Variants in DNAH3 observed in about 807,000 individuals in gnomAD.
DNAH3 encodes dynein axonemal heavy chain 3, also known as axonemal beta dynein heavy chain 3.
In DNAH3, 332 loss-of-function variants were observed where a neutral mutation model predicts 432.5. That is an observed-to-expected ratio of 0.77 (90% CI 0.70 to 0.84). The LOEUF is 0.84. DNAH3 is among the 40% of genes least tolerant of loss of function. The pLI, the probability that DNAH3 is intolerant of heterozygous loss-of-function variation, is 0.00. For synonymous variants in DNAH3, 1,956 were observed against 1,900.2 expected (o/e 1.03, Z -0.76); for missense variants, 4,861 against 5,114.0 (o/e 0.95, Z 1.51).
At chr16:20,975,445 G>A (rs755461763) in intron 50 of DNAH3, 30 bp from the exon 51 acceptor site, 1 of 1,598,678 alleles carries the variant, frequency 6.3e-7, no homozygotes, top group Admixed American at 1.8e-5. Flanking sequence ...GAGAAATCCA[G>A]GGTCAGCACT....
intron 25 of DNAH3, 70 bp downstream of exon 25, chr16:21,062,412 G>C (rs762831054): frequency 7.5e-7 from 1 of 1,332,588 alleles, no homozygotes. Context: ...TAGTCCCAGT[G>C]CTTAGCCAAT....
chr16:21,035,245 T>A (rs750973088), intron 35 of DNAH3, among the ~76,000 whole-genome samples: 1 of 152,198 alleles, frequency 6.6e-6, no homozygotes, highest in Non-Finnish European at 1.5e-5. Flanking sequence ...CAGAATCGCT[T>A]GAGCCTGGGA....
intron 53 of DNAH3, among the ~76,000 whole-genome samples, chr16:20,960,424 G>A (rs1308027794): frequency 6.6e-6 from 1 of 152,146 alleles, no homozygotes; most frequent in Non-Finnish European, 1.5e-5. Flanking sequence ...GGTGGCTCAC[G>A]CCTGCAATCC....
At chr16:20,965,855 G>A (rs751505421) in intron 52 of DNAH3, among the ~76,000 whole-genome samples, 5 of 151,650 alleles carry the variant, frequency 3.3e-5, no homozygotes, top group Non-Finnish European at 7.4e-5. Context: ...TGGGACTACA[G>A]GCATGTGCCA....
At chr16:21,056,343 C>T (rs2152747583) in intron 27 of DNAH3, among the ~76,000 whole-genome samples, 1 of 152,070 alleles carries the variant, frequency 6.6e-6, no homozygotes, top group African/African-American at 2.4e-5. Context: ...ACTTCCCTCC[C>T]CTCACTCTCT....
chr16:21,062,842 G>A (rs1364946523), intron 24 of DNAH3, 159 bp from the exon 25 acceptor site: 17 of 619,878 alleles, frequency 2.7e-5, no homozygotes, highest in East Asian at 1.7e-4. Context: ...TTCATCTGGG[G>A]CATGGAAGGT....
chr16:21,065,706 G>T (rs923920934), intron 24 of DNAH3, among the ~76,000 whole-genome samples: 2 of 152,158 alleles, frequency 1.3e-5, no homozygotes, highest in Admixed American at 1.3e-4. Flanking sequence ...AGTGCTCAGT[G>T]GCCACTGGCA....
chr16:21,036,930 T>A, intron 34 of DNAH3, 82 bp from the exon 35 acceptor site: 1 of 1,128,394 alleles, frequency 8.9e-7, no homozygotes, highest in Non-Finnish European at 1.3e-6. Flanking sequence ...ATGAGATGTA[T>A]CAACAACAGA....
intron 23 of DNAH3, among the ~76,000 whole-genome samples, chr16:21,067,800 A>AGAGAGAGAGAGAGAGAGAGAGAGAGG (rs1567732859): frequency 1.5e-5 from 2 of 133,966 alleles, no homozygotes; most frequent in East Asian, 2.5e-4. Context: ...AGAGAGAGAG[A>AGAGAGAGAGAGAGAGAGAGAGAGAGG]GACTGACTAA....
At chr16:21,091,101 C>T (rs1029522336) in intron 18 of DNAH3, among the ~76,000 whole-genome samples, 5 of 151,710 alleles carry the variant, frequency 3.3e-5, no homozygotes, top group Non-Finnish European at 4.4e-5. Flanking sequence ...TGCAGTGAGC[C>T]GAGGTTACGT....
At chr16:21,048,232 T>C (rs1037234478) in intron 31 of DNAH3, among the ~76,000 whole-genome samples, 3 of 152,246 alleles carry the variant, frequency 2.0e-5, no homozygotes, top group Non-Finnish European at 4.4e-5. Context: ...CTGCTTTGTT[T>C]ACCTAATCAA....
At position 21,111,570 on chromosome 16, in the gene DNAH3, T is replaced by C. The variant is rs578095590; in HGVS notation, c.2099+56A>G. The C allele has an allele frequency of 7.1e-6, 11 of 1,546,280 alleles. No homozygotes were observed. The East Asian group carries it at 1.4e-4, about 19-fold the overall frequency. ...GAAGGTGCAAGTTCTGGTCACTTTT[T>C]CGTCTCCAGTTGGTGCCAAATACCA... On this transcript the variant is annotated intron_variant, in intron 14 of 61. Coordinates refer to ENST00000261383, the Ensembl canonical transcript of DNAH3.
At chr16:21,037,916 A>G (rs771566449) in exon 34 of DNAH3, 3 of 1,614,062 alleles carry the variant, frequency 1.9e-6, no homozygotes, top group Non-Finnish European at 1.7e-6. Context: ...CCGTAGTCAT[A>G]GTGATGCTGA....
chr16:21,125,341 G>C, exon 9 of DNAH3: 1 of 1,609,606 alleles, frequency 6.2e-7, no homozygotes, highest in Non-Finnish European at 8.5e-7. Context: ...CTTCCGTGAG[G>C]TAAAAAGCTG....
chr16:20,959,471 A>C, intron 53 of DNAH3, 67 bp from the exon 54 acceptor site: 1 of 1,486,770 alleles, frequency 6.7e-7, no homozygotes, highest in Non-Finnish European at 9.3e-7. Flanking sequence ...GAACAGCTAT[A>C]TCAACAATAA....
chr16:21,002,444 G>GTTATTATTATTATTA lies in DNAH3; in HGVS notation c.6126+645_6126+659dup, dbSNP rs67362610. The stretch of plus-strand genomic sequence containing the variant: ...AGCACACTGATGACTATCTGGTGTT[G>GTTATTATTATTATTA]TTATTATTATTATTATTATTATTAT... On this transcript the variant is annotated intron_variant, in intron 42 of 61. Coordinates refer to ENST00000261383, the Ensembl canonical transcript of DNAH3. 1.8e-3 allele frequency among the ~76,000 whole-genome samples: 266 copies of GTTATTATTATTATTA among 146,894 alleles called. 1 individual carries two copies. Among genetic ancestry groups the GTTATTATTATTATTA allele is most frequent in the African/African-American group, 2.8e-3 (111 of 39,940 alleles).
chr16:20,971,460 C>T lies in DNAH3; in HGVS notation c.8260-1470G>A, dbSNP rs144259354. Among the ~76,000 whole-genome samples the T allele has an allele frequency of 6.2e-3, 944 of 152,212 alleles. 11 individuals are homozygous for T. Among genetic ancestry groups the T allele is most frequent in the African/African-American group, 0.022 (899 of 41,528 alleles). On this transcript the variant is annotated intron_variant, in intron 51 of 61. Transcript: ENST00000261383. ...CCCTGAAAGGTCCAGGAAGGGATTC[C>T]GGTCCACAAAAAAGCCTCAGGAAAG...
chr16:21,140,345 T>A (rs926253652), intron 5 of DNAH3, 191 bp downstream of exon 6: 11 of 541,234 alleles, frequency 2.0e-5, no homozygotes, highest in Non-Finnish European at 3.6e-5. Context: ...GTACACACAC[T>A]CTCTCTCCTT....
exon 12 of DNAH3, chr16:21,117,280 G>A (rs149569077): frequency 8.6e-5 from 138 of 1,611,486 alleles, no homozygotes; most frequent in Non-Finnish European, 1.1e-4. Context: ...TTTCTTCTGC[G>A]TTAACAGTTC....
Sources: allele counts gnomAD v4.1 joint callset (sites outside exome capture counted in the v4.1 genomes callset), GRCh38; gene constraint gnomAD v4.1.1; transcripts MANE v1.5; gene names NCBI Gene and HGNC (gene_info 2026-07-23, HGNC 2026-07-21).